Variants in ANKRD45 observed in about 807,000 individuals in gnomAD.
ANKRD45 encodes the protein ankyrin repeat domain 45.
ANKRD45 carries 21 observed loss-of-function variants against 28.1 expected under a neutral mutation model. The ratio of observed to expected loss-of-function variants is 0.75; its 90% CI spans 0.53 to 1.08. ANKRD45 has a LOEUF of 1.08. Among genes scored for constraint, ANKRD45 ranks in the 50% least tolerant of loss-of-function variants. The pLI, the probability that ANKRD45 is intolerant of heterozygous loss-of-function variation, is 0.00. For synonymous variants in ANKRD45, 86 were observed against 103.9 expected, an observed-to-expected ratio of 0.83 and a Z score of 1.05; for missense variants, 261 against 308.7, an observed-to-expected ratio of 0.85 and a Z score of 1.16.
intron 3 of ANKRD45, among the ~76,000 whole-genome samples, chr1:173,634,964 A>G (rs1018642950): frequency 2.0e-5 from 3 of 152,008 alleles, no homozygotes; most frequent in Admixed American, 6.6e-5. Context: ...AAAAAAATAA[A>G]AGCAGATGCT....
At chr1:173,616,317 G>C (rs1011202067) in intron 5 of ANKRD45, among the ~76,000 whole-genome samples, 1 of 151,828 alleles carries the variant, frequency 6.6e-6, no homozygotes, top group African/African-American at 2.4e-5. Context: ...AACCCAACCT[G>C]CCCTGCCCCC....
chr1:173,624,474 A>C (rs537007065), intron 5 of ANKRD45, among the ~76,000 whole-genome samples: 182 of 149,090 alleles, frequency 1.2e-3, no homozygotes, highest in African/African-American at 4.4e-3. Context: ...GTAACAGAGG[A>C]AGACTCTGCC....
At chr1:173,644,793 G>C (rs1463833642) in intron 3 of ANKRD45, among the ~76,000 whole-genome samples, 1 of 152,048 alleles carries the variant, frequency 6.6e-6, no homozygotes, top group African/African-American at 2.4e-5. Context: ...AGGAGTTCGA[G>C]ACCAGCCTGA....
At position 173,646,936 on chromosome 1, in the gene ANKRD45, TATCAAC is replaced by T. The variant is rs572503211; in HGVS notation, c.400_405del (p.Val134_Asp135del). On this transcript the variant is annotated inframe_deletion, in exon 3 of 6. Coordinates refer to ENST00000333279, the MANE Select transcript of ANKRD45 (RefSeq NM_198493.3). ...TCTTCCCGGAAGTTCAAAGCTTCTA[TATCAAC>T]ATCCAGTTCTACCAGTGCTTTCAAA... 67 of 1,614,182 alleles carry T rather than the reference TATCAAC, an allele frequency of 4.2e-5. No individual in the cohort carries two copies. The African/African-American group carries it at 8.1e-4, about 20-fold the overall frequency.
chr1:173,707,105 G>A, the ANKRD45 span, among the ~76,000 whole-genome samples: 1 of 151,898 alleles, frequency 6.6e-6, no homozygotes, highest in Non-Finnish European at 1.5e-5. Flanking sequence ...TAAACTGGCT[G>A]TTCATATATT....
At chr1:173,670,496 C>A (rs1382924826), upstream of ANKRD45, among the ~76,000 whole-genome samples, 3 of 152,182 alleles carry the variant, frequency 2.0e-5, no homozygotes, top group African/African-American at 4.8e-5. Flanking sequence ...ATATTCATTT[C>A]TTTACTGTTT....
At position 173,666,088 on chromosome 1, in the gene ANKRD45, A is replaced by C. The variant is rs1462073849; in HGVS notation, c.-16+3729T>G. ...TTAAACACATTACTTGTTAACGAAAAAATAGTTTATGAAAAATAACTAGGC... is the reference window on the plus strand; with the variant it reads ...TTAAACACATTACTTGTTAACGAAACAATAGTTTATGAAAAATAACTAGGC... On this transcript the variant is annotated intron_variant, in intron 1 of 5. Coordinates refer to ENST00000333279, the MANE Select transcript of ANKRD45 (RefSeq NM_198493.3). Among the ~76,000 whole-genome samples, 4 of 152,312 alleles carry C rather than the reference A, an allele frequency of 2.6e-5. No homozygotes were observed. The East Asian group carries it at 7.7e-4, about 29-fold the overall frequency.
chr1:173,661,116 C>T (rs1023324969), intron 1 of ANKRD45, among the ~76,000 whole-genome samples: 1 of 151,676 alleles, frequency 6.6e-6, no homozygotes, highest in African/African-American at 2.4e-5. Flanking sequence ...TTTAGGAATA[C>T]AAGTAGATGC....
In ANKRD45 at chr1:173,669,244, T is replaced by C. The variant is rs574983253; in HGVS notation, c.-16+573A>G. On this transcript the variant is annotated intron_variant, in intron 1 of 5. Transcript: ENST00000333279. ...TTTCCCAGAAGAGGTGAAACCTCGA[T>C]AGTGAAGAGTAGGAGTCTTAAAAGG... 4.2e-4 allele frequency among the ~76,000 whole-genome samples: 64 copies of C among 152,182 alleles called. 1 individual carries two copies. The South Asian group carries it at 0.013, about 30-fold the overall frequency.
At chr1:173,709,763 C>G in the ANKRD45 span, among the ~76,000 whole-genome samples, 1 of 152,098 alleles carries the variant, frequency 6.6e-6, no homozygotes, top group East Asian at 1.9e-4. Flanking sequence ...TCCCCAGTAG[C>G]TGGGACTAGA....
At chr1:173,709,079 C>A in the ANKRD45 span, among the ~76,000 whole-genome samples, 1 of 152,246 alleles carries the variant, frequency 6.6e-6, no homozygotes, top group Admixed American at 6.5e-5. Context: ...CCCAAGTGCA[C>A]CCTGGCCAAC....
chr1:173,616,850 C>G (rs1361981762), intron 5 of ANKRD45, among the ~76,000 whole-genome samples: 1 of 152,160 alleles, frequency 6.6e-6, no homozygotes, highest in South Asian at 2.1e-4. Context: ...TTGGGACTGA[C>G]TAGGCAAATG....
chr1:173,617,189 C>G (rs958833390), intron 5 of ANKRD45, among the ~76,000 whole-genome samples: 3 of 152,060 alleles, frequency 2.0e-5, no homozygotes, highest in Non-Finnish European at 2.9e-5. Context: ...CATACTCTGG[C>G]CCCAGGAATC....
chr1:173,699,314 T>C, the ANKRD45 span, among the ~76,000 whole-genome samples: 1 of 152,132 alleles, frequency 6.6e-6, no homozygotes, highest in Non-Finnish European at 1.5e-5. Context: ...CCTCCCTAAC[T>C]CATTTTATGA....
the ANKRD45 span, among the ~76,000 whole-genome samples, chr1:173,677,167 G>T: frequency 6.6e-6 from 1 of 151,026 alleles, no homozygotes; most frequent in African/African-American, 2.4e-5. Flanking sequence ...TAACCAAAGT[G>T]ATAACTGAAG....
intron 5 of ANKRD45, among the ~76,000 whole-genome samples, chr1:173,619,819 C>T (rs1667623850): frequency 6.7e-6 from 1 of 148,630 alleles, no homozygotes; most frequent in South Asian, 2.1e-4. Context: ...CAAAGCAAGA[C>T]TCCATCTCAA....
chr1:173,711,632 T>TTTTCC, the ANKRD45 span, among the ~76,000 whole-genome samples: 2 of 152,172 alleles, frequency 1.3e-5, no homozygotes, highest in African/African-American at 4.8e-5. Flanking sequence ...GCCCAAGATA[T>TTTTCC]TTTCCTTTCA....
intron 3 of ANKRD45, among the ~76,000 whole-genome samples, chr1:173,630,335 C>T (rs1668132892): frequency 6.6e-6 from 1 of 152,056 alleles, no homozygotes. Flanking sequence ...AAAGATTAAT[C>T]TATCAAACAT....
At chr1:173,668,175 G>C (rs1289843168) in intron 1 of ANKRD45, among the ~76,000 whole-genome samples, 1 of 152,192 alleles carries the variant, frequency 6.6e-6, no homozygotes, top group Non-Finnish European at 1.5e-5. Context: ...GGAGTCCTGA[G>C]ACAACAAAGT....
Sources: gnomAD v4.1 joint callset for allele counts (sites outside exome capture counted in the v4.1 genomes callset) on GRCh38, gnomAD v4.1.1 for gene constraint, MANE v1.5 for transcripts, NCBI Gene and HGNC (gene_info 2026-07-23, HGNC 2026-07-21) for gene names.